Variants in RIMBP2 observed in about 807,000 individuals in gnomAD.
RIMBP2 encodes RIMS-binding protein 2.
RIMBP2 carries 48 observed loss-of-function variants against 118.6 expected under a neutral mutation model. The observed-to-expected ratio is 0.40, with a 90% CI of 0.32 to 0.51. RIMBP2 has a LOEUF of 0.51. RIMBP2 is among the 20% of genes least tolerant of loss of function. The pLI, the probability that RIMBP2 is intolerant of heterozygous loss-of-function variation, is 0.41. For synonymous variants in RIMBP2, 762 were observed against 742.9 expected, an observed-to-expected ratio of 1.03 and a Z score of -0.42; for missense variants, 1,551 against 1,768.3, an observed-to-expected ratio of 0.88 and a Z score of 2.20.
Position 130,447,444 on chromosome 12 carries a change from G to A in RIMBP2, c.582-2175C>T, listed in dbSNP as rs2078624620. Reference sequence around the variant, plus strand: ...ACACGTCGGGAATGGGGACTCAACAGAGACAGAAGTAGGTCAGGGGTCACG... The same window carrying A: ...ACACGTCGGGAATGGGGACTCAACAAAGACAGAAGTAGGTCAGGGGTCACG... On this transcript the variant is annotated intron_variant, in intron 9 of 22. Coordinates refer to ENST00000690449, the MANE Select transcript of RIMBP2 (RefSeq NM_001393629.1). This position sits in a 1 kb window ranked among gnomAD's most constrained non-coding sequence, Gnocchi z 4.4. Among the ~76,000 whole-genome samples the A allele has an allele frequency of 6.6e-6, 1 of 152,184 alleles. No homozygotes were observed. The highest frequency in any genetic ancestry group is 2.4e-5 in the African/African-American group (1 of 41,440).
intron 3 of RIMBP2, among the ~76,000 whole-genome samples, chr12:130,507,201 G>C (rs1246625791): frequency 6.6e-6 from 1 of 152,154 alleles, no homozygotes; most frequent in African/African-American, 2.4e-5. Flanking sequence ...CAAACAGCTG[G>C]AACTACTGTG....
At chr12:130,584,663 C>CCATTACATCATCACTATCACAAT (rs1244635009) in intron 2 of RIMBP2, among the ~76,000 whole-genome samples, 4 of 152,064 alleles carry the variant, frequency 2.6e-5, no homozygotes, top group Non-Finnish European at 5.9e-5. Flanking sequence ...CTCATCACAA[C>CCATTACATCATCACTATCACAAT]CATTACATCA....
At chr12:130,653,999 A>T (rs2136290244) in intron 1 of RIMBP2, among the ~76,000 whole-genome samples, 1 of 152,144 alleles carries the variant, frequency 6.6e-6, no homozygotes, top group South Asian at 2.1e-4. Flanking sequence ...TGCCTAAAAG[A>T]TCTCTGAAAT....
intron 11 of RIMBP2, among the ~76,000 whole-genome samples, chr12:130,440,258 A>G (rs547900265): frequency 6.3e-4 from 89 of 142,244 alleles, no homozygotes; most frequent in Middle Eastern, 3.8e-3. Flanking sequence ...CTGCACCACC[A>G]TCCCCGGGCA....
chr12:130,473,394 G>A (rs548120682), intron 5 of RIMBP2, among the ~76,000 whole-genome samples: 27 of 152,338 alleles, frequency 1.8e-4, no homozygotes, highest in Admixed American at 4.6e-4. Flanking sequence ...TCTGCTCTCC[G>A]GGAGGTGGGC....
chr12:130,479,542 G>A (rs1413240327), intron 4 of RIMBP2, among the ~76,000 whole-genome samples: 2 of 152,080 alleles, frequency 1.3e-5, no homozygotes, highest in Non-Finnish European at 2.9e-5. Flanking sequence ...TGCCCATCGG[G>A]CAGCTGGGAA....
chr12:130,445,165 T>C lies in RIMBP2; in HGVS notation c.686A>G (p.Tyr229Cys), dbSNP rs2078424768. 4 of 1,603,818 alleles carry C rather than the reference T, an allele frequency of 2.5e-6. No individual in the cohort carries two copies. Among genetic ancestry groups the C allele is most frequent in the Non-Finnish European group, 3.4e-6 (4 of 1,174,970 alleles). ...VYGDMDEDGF[Y>C]EGELLDGQRG... ...AGCCATGTTCCAACAGAGACCTTCA[T>C]AGAACCCATCCTCATCCATGTCTCC... The change falls in exon 10 of 23, where the codon TAT becomes TGT. Residue 229 changes from tyrosine (Y) to cysteine (C), a missense_variant. By Grantham distance (194) the Tyr-to-Cys change is radical. This residue lies in a region of RIMBP2 where 265 missense variants were observed against 349.5 expected (regional missense o/e 0.76). Transcript: ENST00000690449.
At position 130,705,878 on chromosome 12, in the gene RIMBP2, T is replaced by C. The variant is rs554220001; in HGVS notation, c.-352+10344A>G. ...CCCTGCAAGGTCACAAAAATGCTGA[T>C]GGTTACTTCGTGCAAAAGTGTCTCC... On this transcript the variant is annotated intron_variant, in intron 1 of 22. Coordinates refer to ENST00000690449, the MANE Select transcript of RIMBP2 (RefSeq NM_001393629.1). 3.9e-5 allele frequency among the ~76,000 whole-genome samples: 6 copies of C among 152,346 alleles called. No individual in the cohort carries two copies. The East Asian group carries it at 1.2e-3, about 29-fold the overall frequency.
chr12:130,478,999 A>G lies in RIMBP2; in HGVS notation c.15T>C (p.Ala5=). The G allele has an allele frequency of 6.2e-7, 1 of 1,613,834 alleles. No homozygotes were observed. Among genetic ancestry groups the G allele is most frequent in the Non-Finnish European group, 8.5e-7 (1 of 1,179,900 alleles). The change falls in exon 5 of 23, where the codon GCT becomes GCC. Residue 5 remains alanine (A), a synonymous_variant. Transcript: ENST00000690449. Reference sequence around the variant, plus strand: ...CCAACTGCAGCTGCTGCCGCCGTTCAGCCGCCTCTCGCATATGCTGTGGGG... The same window carrying G: ...CCAACTGCAGCTGCTGCCGCCGTTCGGCCGCCTCTCGCATATGCTGTGGGG... The part of the protein sequence containing the change: MREA[A]ERRQQLQLEH...
At chr12:130,594,352 A>G (rs2059435533) in intron 2 of RIMBP2, among the ~76,000 whole-genome samples, 1 of 152,260 alleles carries the variant, frequency 6.6e-6, no homozygotes, top group African/African-American at 2.4e-5. Flanking sequence ...GATTATGACC[A>G]GTATTTTGTA....
intron 1 of RIMBP2, among the ~76,000 whole-genome samples, chr12:130,665,045 T>C (rs528144743): frequency 5.3e-5 from 8 of 151,646 alleles, no homozygotes; most frequent in Middle Eastern, 3.4e-3. Context: ...GAGTCTCCAC[T>C]CACTCACCAA....
chr12:130,631,651 A>AT (rs1447270239), intron 1 of RIMBP2, among the ~76,000 whole-genome samples: 2 of 152,068 alleles, frequency 1.3e-5, no homozygotes, highest in African/African-American at 4.8e-5. Context: ...AGTGCTGCTA[A>AT]TATTTTTTTA....
Position 130,467,925 on chromosome 12 carries a change from C to T in RIMBP2, c.153+2768G>A, listed in dbSNP as rs1033163477. On this transcript the variant is annotated intron_variant, in intron 6 of 22. Coordinates refer to ENST00000690449, the MANE Select transcript of RIMBP2 (RefSeq NM_001393629.1). Reference sequence around the variant, plus strand: ...CCCATCTCAGACACCTTTGGTTCTCCGTGTGCTCAGGCATTTTATGTAACA... The same window carrying T: ...CCCATCTCAGACACCTTTGGTTCTCTGTGTGCTCAGGCATTTTATGTAACA... Among the ~76,000 whole-genome samples the T allele has an allele frequency of 1.2e-4, 19 of 152,276 alleles. No homozygotes were observed. The East Asian group carries it at 1.4e-3, about 11-fold the overall frequency.
At chr12:130,460,024 C>T (rs577150067) in intron 6 of RIMBP2, among the ~76,000 whole-genome samples, 28 of 152,328 alleles carry the variant, frequency 1.8e-4, no homozygotes, top group South Asian at 4.1e-4. Context: ...AACTAATCTA[C>T]GCACAGGAAC....
At position 130,500,280 on chromosome 12, in the gene RIMBP2, A is replaced by G. The variant is rs139124363; in HGVS notation, c.-4+6368T>C. Among the ~76,000 whole-genome samples the G allele has an allele frequency of 9.5e-3, 1,441 of 152,270 alleles. 26 individuals are homozygous for G. Among genetic ancestry groups the G allele is most frequent in the African/African-American group, 0.033 (1,352 of 41,540 alleles). On this transcript the variant is annotated intron_variant, in intron 4 of 22. Coordinates refer to ENST00000690449, the MANE Select transcript of RIMBP2 (RefSeq NM_001393629.1). ...CGAGACCAGCCTGACCAACACGGGG[A>G]AACCCCATCTCTACTAAAAATACAA...
rs116360200 is a variant in RIMBP2, at chr12:130,643,640, C to T, written c.-351-15184G>A. On this transcript the variant is annotated intron_variant, in intron 1 of 22. Transcript: ENST00000690449. Reference sequence around the variant, plus strand: ...TACATGCGGAGGGAAAGCAAGCCCACCCAGGCTGCACTCTGCGGAGGCGGG... The same window carrying T: ...TACATGCGGAGGGAAAGCAAGCCCATCCAGGCTGCACTCTGCGGAGGCGGG... Among the ~76,000 whole-genome samples the T allele has an allele frequency of 7.2e-3, 1,104 of 152,336 alleles. 11 individuals are homozygous for T. The highest frequency in any genetic ancestry group is 0.025 in the African/African-American group (1,059 of 41,590).
rs770691620 is a variant in RIMBP2, at chr12:130,451,264, C to T, written c.435G>A (p.Pro145=). 2.6e-5 allele frequency: 42 copies of T among 1,614,090 alleles called. No individual in the cohort carries two copies. The Admixed American group carries it at 5.0e-4, about 19-fold the overall frequency. The change falls in exon 8 of 23, where the codon CCG becomes CCA. Residue 145 remains proline, a synonymous_variant. Transcript: ENST00000690449. ...IRPLPQPGDR[P]EPLSAKPTFL... is the part of the protein sequence containing the mutation. ...AGGTGGGCTTGGCGGACAGAGGCTC[C>T]GGCCTGTCACCAGGCTGCGGAAGGG...
intron 6 of RIMBP2, among the ~76,000 whole-genome samples, chr12:130,462,765 T>C (rs956510668): frequency 2.6e-5 from 4 of 152,232 alleles, no homozygotes; most frequent in Non-Finnish European, 5.9e-5. Context: ...TGGCACCACG[T>C]GGAGCTCACA....
chr12:130,507,607 G>C (rs192455426), intron 3 of RIMBP2, among the ~76,000 whole-genome samples: 20 of 152,250 alleles, frequency 1.3e-4, no homozygotes, highest in Admixed American at 1.2e-3. Context: ...ACAACCCCCA[G>C]GGCCAAGCTA....
Sources: allele counts gnomAD v4.1 joint callset (sites outside exome capture counted in the v4.1 genomes callset), GRCh38; gene constraint gnomAD v4.1.1; regional missense constraint gnomAD v4.1.1; non-coding constraint Gnocchi (gnomAD v3.1); transcripts MANE v1.5; gene names NCBI Gene and HGNC (gene_info 2026-07-23, HGNC 2026-07-21).